The following AK8 variants were observed in gnomAD, a reference collection of about 807,000 sequenced individuals.
AK8 encodes the protein adenylate kinase 8.
A neutral mutation model predicts 54.6 loss-of-function variants in AK8; 44 were observed. The ratio of observed to expected loss-of-function variants is 0.81; its 90% CI spans 0.63 to 1.04. The LOEUF is 1.04. Among genes scored for constraint, AK8 ranks in the 50% least tolerant of loss-of-function variants. The pLI, the probability that AK8 is intolerant of heterozygous loss-of-function variation, is 0.00. For synonymous variants in AK8, 239 were observed against 245.6 expected (o/e 0.97, Z 0.25); for missense variants, 555 against 613.6 (o/e 0.90, Z 1.01).
intron 9 of AK8, among the ~76,000 whole-genome samples, chr9:132,821,127 T>TAA (rs774596259): frequency 7.0e-5 from 10 of 143,800 alleles, no homozygotes; most frequent in African/African-American, 2.5e-4. Flanking sequence ...CAATTTGAAT[T>TAA]AAAAAAAAAA....
Position 132,748,060 on chromosome 9 carries a change from T to C in AK8, c.1122-20526A>G, listed in dbSNP as rs1298774053. 9.2e-5 allele frequency among the ~76,000 whole-genome samples: 14 copies of C among 151,608 alleles called. No homozygotes were observed. The East Asian group carries it at 2.5e-3, about 27-fold the overall frequency. ...GTTGCAGTGAGCTGAGACGGTGCCATTGCACTCCAGCCTGGGCAACAAGAG... is the reference window on the plus strand; with the variant it reads ...GTTGCAGTGAGCTGAGACGGTGCCACTGCACTCCAGCCTGGGCAACAAGAG... On this transcript the variant is annotated intron_variant, in intron 11 of 12. Transcript: ENST00000298545.
intron 10 of AK8, among the ~76,000 whole-genome samples, chr9:132,807,243 C>CCGA (rs1414222314): frequency 6.6e-6 from 1 of 152,118 alleles, no homozygotes; most frequent in Non-Finnish European, 1.5e-5. Context: ...CGTAACTGGG[C>CCGA]CGACGAGCCA....
chr9:132,857,837 G>A (rs939061179), intron 4 of AK8, among the ~76,000 whole-genome samples: 2 of 152,142 alleles, frequency 1.3e-5, no homozygotes, highest in African/African-American at 4.8e-5. Context: ...ACTCCTGAGC[G>A]CCCCCCGCTG....
At chr9:132,878,461 C>G, upstream of AK8, 1 of 1,222,282 alleles carries the variant, frequency 8.2e-7, no homozygotes, top group Non-Finnish European at 1.0e-6. This position sits in a 1 kb window ranked among gnomAD's most constrained non-coding sequence, Gnocchi z 4.7. Context: ...CAACCCCGGC[C>G]TCGCTTTTCC....
At chr9:132,750,837 A>T (rs1342412505) in intron 11 of AK8, among the ~76,000 whole-genome samples, 1 of 151,966 alleles carries the variant, frequency 6.6e-6, no homozygotes, top group East Asian at 1.9e-4. Flanking sequence ...TGCAATCGGA[A>T]GAAACCTCGA....
rs924956784 is a variant in AK8, at chr9:132,770,943, G to T, written c.1121+21691C>A. 1.1e-4 allele frequency among the ~76,000 whole-genome samples: 17 copies of T among 152,164 alleles called. No homozygotes were observed. Among genetic ancestry groups the T allele is most frequent in the African/African-American group, 4.1e-4 (17 of 41,448 alleles). On this transcript the variant is annotated intron_variant, in intron 11 of 12. Coordinates refer to ENST00000298545, the MANE Select transcript of AK8 (RefSeq NM_152572.3). This position sits in a 1 kb window ranked among gnomAD's most constrained non-coding sequence, Gnocchi z 4.3. ...GGGGAGGGAGCAGCTGGTGGCCTCGGCAAACGCAGCACAGGAGATGGGAGG... is the reference window on the plus strand; with the variant it reads ...GGGGAGGGAGCAGCTGGTGGCCTCGTCAAACGCAGCACAGGAGATGGGAGG...
At chr9:132,825,598 C>T (rs1841836543) in intron 8 of AK8, among the ~76,000 whole-genome samples, 1 of 152,114 alleles carries the variant, frequency 6.6e-6, no homozygotes, top group Non-Finnish European at 1.5e-5. Context: ...TCTACTAACC[C>T]ACCCGCTGGC....
Position 132,800,281 on chromosome 9 carries a change from G to A in AK8, c.980-7506C>T, listed in dbSNP as rs117045939. 2.1e-3 allele frequency among the ~76,000 whole-genome samples: 317 copies of A among 152,298 alleles called. 7 individuals carry two copies. The East Asian group carries it at 0.046, about 22-fold the overall frequency. On this transcript the variant is annotated intron_variant, in intron 10 of 12. Transcript: ENST00000298545. Reference sequence around the variant, plus strand: ...CAGCGCCCCAGTGCCAGGACCTGGCGCCAGGTGTTTCTGTTGGTGATGCCG... The same window carrying A: ...CAGCGCCCCAGTGCCAGGACCTGGCACCAGGTGTTTCTGTTGGTGATGCCG...
At chr9:132,808,198 C>T (rs1345678342) in intron 10 of AK8, among the ~76,000 whole-genome samples, 1 of 152,102 alleles carries the variant, frequency 6.6e-6, no homozygotes, top group African/African-American at 2.4e-5. Flanking sequence ...GATTTAAGCT[C>T]GACCCTGTTT....
At position 132,799,139 on chromosome 9, in the gene AK8, G is replaced by A. The variant is rs935213840; in HGVS notation, c.980-6364C>T. On this transcript the variant is annotated intron_variant, in intron 10 of 12. Transcript: ENST00000298545. The surrounding 1 kb of genome is among the most constrained non-coding windows in gnomAD (Gnocchi z 5.0). ...CAGGCCAGCTTGCGGTTTTCCAGCAGGCACCAGAGGCCCCTCCTGCTGCGC... is the reference window on the plus strand; with the variant it reads ...CAGGCCAGCTTGCGGTTTTCCAGCAAGCACCAGAGGCCCCTCCTGCTGCGC... 1.3e-5 allele frequency among the ~76,000 whole-genome samples: 2 copies of A among 152,194 alleles called. No homozygotes were observed. Among genetic ancestry groups the A allele is most frequent in the African/African-American group, 4.8e-5 (2 of 41,436 alleles).
At chr9:132,806,380 TTC>T (rs2131221995) in intron 10 of AK8, among the ~76,000 whole-genome samples, 1 of 152,312 alleles carries the variant, frequency 6.6e-6, no homozygotes, top group African/African-American at 2.4e-5. Flanking sequence ...TCTCTCCCTC[TTC>T]TAATTATACC....
intron 11 of AK8, among the ~76,000 whole-genome samples, chr9:132,754,669 T>A (rs1220683247): frequency 6.6e-6 from 1 of 152,112 alleles, no homozygotes; most frequent in Non-Finnish European, 1.5e-5. Context: ...CAGCTTCTCC[T>A]CCTCTCCCTC....
rs569901022 is a variant in AK8, at chr9:132,779,766, C to A, written c.1121+12868G>T. On this transcript the variant is annotated intron_variant, in intron 11 of 12. Transcript: ENST00000298545. Reference sequence around the variant, plus strand: ...GTTAAATGTGTCTTCTTCAAACCAGCTAGCCAACAGAGAAGGATAAATGCA... The same window carrying A: ...GTTAAATGTGTCTTCTTCAAACCAGATAGCCAACAGAGAAGGATAAATGCA... Among the ~76,000 whole-genome samples the A allele has an allele frequency of 2.7e-3, 404 of 152,328 alleles. 2 individuals carry two copies. Among genetic ancestry groups the A allele is most frequent in the Non-Finnish European group, 4.3e-3 (292 of 68,042 alleles).
At chr9:132,821,765 ATATGTATATGTG>A (rs1341892948) in intron 9 of AK8, among the ~76,000 whole-genome samples, 2 of 110,280 alleles carry the variant, frequency 1.8e-5, no homozygotes, top group Non-Finnish European at 3.8e-5. Context: ...ATATATACAT[ATATGTATATGTG>A]TATGTATATA....
At position 132,725,754 on chromosome 9, in the gene AK8, G is replaced by T. The variant is rs1036169119; in HGVS notation, c.1374C>A (p.Asp458Glu). The T allele has an allele frequency of 1.3e-6, 2 of 1,595,956 alleles. No homozygotes were observed. Among genetic ancestry groups the T allele is most frequent in the Non-Finnish European group, 1.7e-6 (2 of 1,171,452 alleles). The change falls in exon 13 of 13, where the codon GAC becomes GAA. Residue 458 changes from aspartate to glutamate, a missense_variant. Physicochemically the swap from Asp to Glu is conservative, Grantham distance 45. Transcript: ENST00000298545. Reference sequence around the variant, plus strand: ...CGATGTATTCGAAGACTGTGTATGGGTCCTGGTCCCCATTGAGGGTGATGG... The same window carrying T: ...CGATGTATTCGAAGACTGTGTATGGTTCCTGGTCCCCATTGAGGGTGATGG... ...GSAITLNGDQ[D>E]PYTVFEYIES... is the part of the protein sequence containing the mutation.
At chr9:132,798,179 A>C (rs1289696893) in intron 10 of AK8, among the ~76,000 whole-genome samples, 1 of 152,292 alleles carries the variant, frequency 6.6e-6, no homozygotes, top group East Asian at 1.9e-4. Flanking sequence ...ATCTCTCCTC[A>C]GTGGCAGCAC....
chr9:132,867,116 C>T (rs968494554), intron 2 of AK8, among the ~76,000 whole-genome samples, 163 bp from the exon 3 acceptor site: 6 of 152,106 alleles, frequency 3.9e-5, no homozygotes, highest in Admixed American at 2.0e-4. Flanking sequence ...TGCCATGGAA[C>T]GCATTCTCTG....
chr9:132,855,913 G>A (rs528754804), intron 4 of AK8, among the ~76,000 whole-genome samples: 1 of 152,242 alleles, frequency 6.6e-6, no homozygotes, highest in Admixed American at 6.5e-5. Flanking sequence ...TCCAGAGGAG[G>A]GCCCTGACTG....
At chr9:132,766,566 T>C (rs1459043948) in intron 11 of AK8, among the ~76,000 whole-genome samples, 2 of 152,136 alleles carry the variant, frequency 1.3e-5, no homozygotes, top group Admixed American at 6.5e-5. Flanking sequence ...AAAGTGACCA[T>C]ACTACCAAAA....
Sources: allele counts gnomAD v4.1 joint callset (sites outside exome capture counted in the v4.1 genomes callset), GRCh38; gene constraint gnomAD v4.1.1; non-coding constraint Gnocchi (gnomAD v3.1); transcripts MANE v1.5; gene names NCBI Gene and HGNC (gene_info 2026-07-23, HGNC 2026-07-21).